ESCO2: variants seen among roughly 807,000 people sequenced by gnomAD.
ESCO2 encodes establishment of sister chromatid cohesion N-acetyltransferase 2.
A neutral mutation model predicts 61.7 loss-of-function variants in ESCO2; 51 were observed. The ratio of observed to expected loss-of-function variants is 0.83; its 90% CI spans 0.66 to 1.04. The LOEUF (loss-of-function observed/expected upper bound fraction) is 1.04, where lower values mean the gene tolerates loss of function less well. Among genes scored for constraint, ESCO2 ranks in the 50% least tolerant of loss-of-function variants. ESCO2 has a pLI of 0.00. For synonymous variants in ESCO2, 230 were observed against 238.2 expected, an observed-to-expected ratio of 0.97 and a Z score of 0.32; for missense variants, 692 against 686.2, an observed-to-expected ratio of 1.01 and a Z score of -0.09.
At position 27,804,281 on chromosome 8, in the gene ESCO2, G is replaced by T. The variant is rs986860529; in HGVS notation, c.*843G>T. ...TTGCACTATTACTTAGTTAATTTTT[G>T]TTGTATGGAAATATTGGTAGTACTA... On this transcript the variant is annotated 3_prime_UTR_variant, in exon 11 of 11. Coordinates refer to ENST00000305188, the MANE Select transcript of ESCO2 (RefSeq NM_001017420.3). 3 of 985,100 alleles carry T rather than the reference G, an allele frequency of 3.0e-6. No individual in the cohort carries two copies. The highest frequency in any genetic ancestry group is 1.2e-6 in the Non-Finnish European group (1 of 829,832). The allele number at this position is 985,100 out of a possible 1,614,324, so 61.0% of individuals were successfully genotyped here. A position where few individuals can be genotyped will look rare whatever the true frequency, so the allele number is the denominator to read the frequency against.
At position 27,776,488 on chromosome 8, in the gene ESCO2, C is replaced by T. The variant is rs1320422636; in HGVS notation, c.180C>T (p.Leu60=). 1 of 1,613,236 alleles carries T rather than the reference C, an allele frequency of 6.2e-7. No individual in the cohort carries two copies. ...AAGAGCATTTTGTTTTAAGTGCGCT[C>T]AAAACAACTGAAATAAATAGACTGC... ...SQQEHFVLSA[L]KTTEINRLPS... The change falls in exon 3 of 11, where the codon CTC becomes CTT. Residue 60 remains leucine (L), a synonymous_variant. Transcript: ENST00000305188.
chr8:27,800,186 A>G (rs910419197), intron 10 of ESCO2, among the ~76,000 whole-genome samples: 80 of 152,188 alleles, frequency 5.3e-4, no homozygotes, highest in African/African-American at 1.8e-3. Flanking sequence ...AAGCATAACT[A>G]AAAAAGTGGA....
At chr8:27,813,951 AC>A (rs112361624), downstream of ESCO2, among the ~76,000 whole-genome samples, 2,927 of 152,226 alleles carry the variant, frequency 0.019, 102 homozygotes, top group African/African-American at 0.067. Context: ...TAGCAGGTGT[AC>A]ATGTTTATGT....
In ESCO2 at chr8:27,776,408, CACTGTTTTTATCAAA is replaced by C. The variant is rs1325180069; in HGVS notation, c.103_117del (p.Cys35_Asn39del). 1 of 1,608,348 alleles carries C rather than the reference CACTGTTTTTATCAAA, an allele frequency of 6.2e-7. No homozygotes were observed. Among genetic ancestry groups the C allele is most frequent in the Admixed American group, 1.7e-5 (1 of 59,034 alleles). On this transcript the variant is annotated inframe_deletion, in exon 3 of 11. Transcript: ENST00000305188. ...TCTGTTTCCATCACCTAATAAAAAG[CACTGTTTTTATCAAA>C]ACAGTGATAAAAATGAAGAAAACCT...
chr8:27,795,075 A>T (rs990453459), intron 9 of ESCO2, among the ~76,000 whole-genome samples: 2 of 152,116 alleles, frequency 1.3e-5, no homozygotes, highest in Admixed American at 1.3e-4. Flanking sequence ...TAGAATTTTG[A>T]TAGGGATTGC....
At position 27,803,406 on chromosome 8, in the gene ESCO2, C is replaced by A; in HGVS notation, c.1774C>A (p.Pro592Thr). The A allele has an allele frequency of 1.2e-6, 2 of 1,613,430 alleles. No individual in the cohort carries two copies. The highest frequency in any genetic ancestry group is 1.7e-6 in the Non-Finnish European group (2 of 1,179,498). The change falls in exon 11 of 11, where the codon CCT becomes ACT. Residue 592 changes from proline (P) to threonine (T), a missense_variant. Coordinates refer to ENST00000305188, the MANE Select transcript of ESCO2 (RefSeq NM_001017420.3). ...ATTTGCAACCAAGTACTGCAACACCCCTAATTTCCTCGTATATAATTTTAA... is the reference window on the plus strand; with the variant it reads ...ATTTGCAACCAAGTACTGCAACACCACTAATTTCCTCGTATATAATTTTAA... ...KLFATKYCNT[P>T]NFLVYNFNS
At chr8:27,808,451 A>G (rs555401252), downstream of ESCO2, 20 of 160,738 alleles carry the variant, frequency 1.2e-4, no homozygotes, top group Non-Finnish European at 2.6e-4. Flanking sequence ...AGAGGCCTAG[A>G]CAGAGGTTGC....
At chr8:27,812,581 G>T (rs1042036894), downstream of ESCO2, 7 of 150,184 alleles carry the variant, frequency 4.7e-5, no homozygotes, top group African/African-American at 1.7e-4. Flanking sequence ...TCTGACAAAG[G>T]GCTAATATCC....
chr8:27,802,021 T>C (rs557404720), intron 10 of ESCO2, among the ~76,000 whole-genome samples: 1 of 149,656 alleles, frequency 6.7e-6, no homozygotes, highest in African/African-American at 2.5e-5. Context: ...CATTTAGTTT[T>C]CACGTCTCTT....
intron 3 of ESCO2, chr8:27,779,144 A>C (rs1243372733): frequency 6.6e-6 from 1 of 152,176 alleles, no homozygotes; most frequent in Non-Finnish European, 1.5e-5. Context: ...TGAACTCCTG[A>C]CTTTGTGATC....
intron 10 of ESCO2, among the ~76,000 whole-genome samples, chr8:27,801,322 C>T (rs1277792446): frequency 6.6e-6 from 1 of 152,082 alleles, no homozygotes; most frequent in Admixed American, 6.5e-5. Context: ...ACACTTTAAC[C>T]AAACCAAAGA....
chr8:27,792,021 T>C lies in ESCO2; in HGVS notation c.1322T>C (p.Leu441Pro), dbSNP rs979245564. ...EFWDGKIVLV[L>P]PHDPSFAIKK... ...TGGGATGGGAAAATCGTGTTGGTTC[T>C]GCCACATGATCCAAGCTTTGCTATC... Residue 441 changes from leucine (L) to proline (P), a missense_variant, in exon 8 of 11, where the codon CTG becomes CCG. By Grantham distance (98) the Leu-to-Pro change is moderately conservative. Coordinates refer to ENST00000305188, the MANE Select transcript of ESCO2 (RefSeq NM_001017420.3). 5.6e-6 allele frequency: 9 copies of C among 1,614,034 alleles called. No homozygotes were observed. Among genetic ancestry groups the C allele is most frequent in the Non-Finnish European group, 7.6e-6 (9 of 1,180,022 alleles).
At chr8:27,802,472 T>C (rs141564146) in intron 10 of ESCO2, among the ~76,000 whole-genome samples, 2,140 of 149,366 alleles carry the variant, frequency 0.014, 45 homozygotes, top group African/African-American at 0.045. Context: ...CCGGGTGTGG[T>C]GGTGCATGCC....
At chr8:27,792,497 G>A (rs1304492173) in intron 8 of ESCO2, among the ~76,000 whole-genome samples, 171 bp from the exon 9 acceptor site, 2 of 152,156 alleles carry the variant, frequency 1.3e-5, no homozygotes, top group African/African-American at 2.4e-5. Flanking sequence ...TGTTTCCACA[G>A]TAGCAGCTAC....
Position 27,804,048 on chromosome 8 carries a change from CAG to C in ESCO2, c.*613_*614del. ...CAGCCTAATTCCTGACTTCTCTATA[CAG>C]AGTCTTCACTTGATAGGCACTCGTC... On this transcript the variant is annotated 3_prime_UTR_variant, in exon 11 of 11. Transcript: ENST00000305188. The C allele has an allele frequency of 3.0e-6, 3 of 985,776 alleles. No individual in the cohort carries two copies. The highest frequency in any genetic ancestry group is 3.6e-6 in the Non-Finnish European group (3 of 830,282). 61.1% of individuals were successfully genotyped at this position (985,776 alleles called of 1,614,324 possible).
At chr8:27,772,106 G>A (rs747269743), upstream of ESCO2, 1 of 213,390 alleles carries the variant, frequency 4.7e-6, no homozygotes, top group Non-Finnish European at 9.4e-6. Flanking sequence ...TTGTTAGCAG[G>A]TGTCTCCTTT....
chr8:27,802,631 ATAT>A (rs1317700393), intron 10 of ESCO2, among the ~76,000 whole-genome samples: 722 of 38,630 alleles, frequency 0.019, 8 homozygotes, highest in Non-Finnish European at 0.024. Context: ...AAAAAAAAAA[ATAT>A]ATATATATAT....
chr8:27,816,798 ACT>A (rs1045376799), downstream of ESCO2, among the ~76,000 whole-genome samples: 3 of 151,892 alleles, frequency 2.0e-5, no homozygotes, highest in Non-Finnish European at 4.4e-5. Flanking sequence ...GCTATTTTAT[ACT>A]CTGTTTATCT....
At chr8:27,816,040 G>C (rs1398863480), downstream of ESCO2, among the ~76,000 whole-genome samples, 1 of 152,114 alleles carries the variant, frequency 6.6e-6, no homozygotes, top group Non-Finnish European at 1.5e-5. Flanking sequence ...GAAAAATGAT[G>C]AAACTGGAGC....
Sources: gnomAD v4.1 joint callset for allele counts (sites outside exome capture counted in the v4.1 genomes callset) on GRCh38, gnomAD v4.1.1 for gene constraint, MANE v1.5 for transcripts, NCBI Gene and HGNC (gene_info 2026-07-23, HGNC 2026-07-21) for gene names.